PRIM2: variants seen among roughly 807,000 people sequenced by gnomAD.
PRIM2 encodes DNA primase subunit 2.
Under a neutral mutation model 67.3 loss-of-function variants are expected in PRIM2, and 39 were observed. The observed-to-expected ratio is 0.58, with a 90% confidence interval of 0.45 to 0.76. PRIM2 has a LOEUF of 0.76. Ranked by LOEUF, PRIM2 falls within the 30% of genes least tolerant of loss-of-function variation. The pLI, the probability that PRIM2 is intolerant of heterozygous loss-of-function variation, is 0.00. For synonymous variants in PRIM2, 143 were observed against 198.7 expected (o/e 0.72, Z 2.36); for missense variants, 398 against 598.7 (o/e 0.66, Z 3.50).
chr6:57,531,651 A>G (rs1362279408), intron 8 of PRIM2, among the ~76,000 whole-genome samples: 9 of 152,184 alleles, frequency 5.9e-5, no homozygotes, highest in Non-Finnish European at 1.0e-4. Flanking sequence ...AAAATTTATT[A>G]TAGGGAAGAG....
chr6:57,444,205 G>C (rs915863141), intron 7 of PRIM2, among the ~76,000 whole-genome samples: 2 of 151,878 alleles, frequency 1.3e-5, no homozygotes, highest in African/African-American at 4.8e-5. Flanking sequence ...ACATAATCCT[G>C]TGTAGTCTTA....
intron 7 of PRIM2, among the ~76,000 whole-genome samples, chr6:57,504,311 T>C (rs1774207846): frequency 6.6e-6 from 1 of 152,208 alleles, no homozygotes; most frequent in African/African-American, 2.4e-5. Context: ...TGGCATTTAA[T>C]GGAGGATTAT....
At chr6:57,607,063 C>A (rs1329042681) in intron 12 of PRIM2, among the ~76,000 whole-genome samples, 1 of 152,132 alleles carries the variant, frequency 6.6e-6, no homozygotes, top group Non-Finnish European at 1.5e-5. Context: ...AGACTATTTT[C>A]TATAGTGTGC....
chr6:57,287,002 GA>G, the PRIM2 span, among the ~76,000 whole-genome samples: 1 of 152,120 alleles, frequency 6.6e-6, no homozygotes, highest in Non-Finnish European at 1.5e-5. Flanking sequence ...CAAACATATG[GA>G]AAAAAGCTCA....
chr6:57,353,847 C>A (rs1184213838), intron 5 of PRIM2, among the ~76,000 whole-genome samples: 1 of 152,138 alleles, frequency 6.6e-6, no homozygotes, highest in African/African-American at 2.4e-5. Flanking sequence ...TATTACCTGA[C>A]TTTTGTTTAT....
At chr6:57,586,005 A>C (rs1776181080) in intron 10 of PRIM2, among the ~76,000 whole-genome samples, 1 of 152,174 alleles carries the variant, frequency 6.6e-6, no homozygotes, top group African/African-American at 2.4e-5. Context: ...CTGAGTAACC[A>C]AGATCACCTA....
chr6:57,563,344 T>C (rs1775675246), intron 10 of PRIM2, among the ~76,000 whole-genome samples: 1 of 151,260 alleles, frequency 6.6e-6, no homozygotes, highest in Non-Finnish European at 1.5e-5. Context: ...TGCTTCTGGC[T>C]GATCATTAGG....
chr6:57,440,181 T>C (rs1772157040), intron 7 of PRIM2, among the ~76,000 whole-genome samples: 2 of 151,468 alleles, frequency 1.3e-5, no homozygotes, highest in Admixed American at 1.3e-4. Context: ...TATTTTATTT[T>C]TAGGAGGACC....
Position 57,318,573 on chromosome 6 carries a change from A to G in PRIM2, c.128A>G (p.Glu43Gly). 1 of 1,574,794 alleles carries G rather than the reference A, an allele frequency of 6.4e-7. No individual in the cohort carries two copies. Among genetic ancestry groups the G allele is most frequent in the Non-Finnish European group, 8.6e-7 (1 of 1,158,530 alleles). ...GAAAACATATCTTTAATAGAATTTG[A>G]AAACTTGGCTATTGATAGAGTTAAA... Reference protein sequence around the residue: ...PSENISLIEFENLAIDRVKLL... With the variant: ...PSENISLIEFGNLAIDRVKLL... The change falls in exon 2 of 14, where the codon GAA (glutamate) becomes GGA (glycine). Residue 43 changes from glutamate to glycine, a missense_variant. By Grantham distance (98) the Glu-to-Gly change is moderately conservative. Transcript: ENST00000615550.
At chr6:57,455,709 C>G (rs1772747557) in intron 7 of PRIM2, among the ~76,000 whole-genome samples, 1 of 152,172 alleles carries the variant, frequency 6.6e-6, no homozygotes, top group African/African-American at 2.4e-5. Flanking sequence ...TTCCTGAATA[C>G]AGCCCATTGA....
intron 12 of PRIM2, among the ~76,000 whole-genome samples, chr6:57,626,252 T>C (rs1776947886): frequency 2.0e-5 from 3 of 152,228 alleles, no homozygotes; most frequent in African/African-American, 7.2e-5. Flanking sequence ...AATTTGCAGC[T>C]GGCTGGAAAT....
At chr6:57,626,720 A>T (rs1166483073) in intron 12 of PRIM2, among the ~76,000 whole-genome samples, 1 of 150,600 alleles carries the variant, frequency 6.6e-6, no homozygotes, top group East Asian at 2.0e-4. Context: ...GACCTCCCCG[A>T]CTCAAGCGAA....
the PRIM2 span, among the ~76,000 whole-genome samples, chr6:57,231,539 T>G: frequency 6.6e-6 from 1 of 152,192 alleles, no homozygotes; most frequent in Admixed American, 6.5e-5. Context: ...ATCCAGATAC[T>G]GAAATGAAAG....
chr6:57,644,794 C>T (rs1777306582), intron 13 of PRIM2, among the ~76,000 whole-genome samples: 1 of 152,176 alleles, frequency 6.6e-6, no homozygotes, highest in South Asian at 2.1e-4. Flanking sequence ...CCAACAGTCA[C>T]TCACTCAAGC....
At chr6:57,356,419 C>T (rs1769034000) in intron 5 of PRIM2, among the ~76,000 whole-genome samples, 1 of 152,088 alleles carries the variant, frequency 6.6e-6, no homozygotes, top group South Asian at 2.1e-4. Context: ...ATGAGATTTG[C>T]AAATGATAAT....
At chr6:57,277,933 G>A in the PRIM2 span, among the ~76,000 whole-genome samples, 7 of 151,818 alleles carry the variant, frequency 4.6e-5, no homozygotes, top group African/African-American at 7.3e-5. Flanking sequence ...GCAGTGAGCC[G>A]AGATCGTGCC....
At chr6:57,561,962 A>C (rs1775641405) in intron 10 of PRIM2, among the ~76,000 whole-genome samples, 1 of 152,124 alleles carries the variant, frequency 6.6e-6, no homozygotes. Flanking sequence ...AGTCCTTATT[A>C]ATTGGCCTGA....
intron 5 of PRIM2, among the ~76,000 whole-genome samples, chr6:57,365,618 G>A (rs966760112): frequency 1.3e-5 from 2 of 152,004 alleles, no homozygotes; most frequent in Admixed American, 6.6e-5. Context: ...ACTTTCCATA[G>A]TTTGTGTATT....
the PRIM2 span, among the ~76,000 whole-genome samples, chr6:57,278,648 A>T: frequency 9.2e-5 from 14 of 152,288 alleles, no homozygotes; most frequent in East Asian, 2.7e-3. Flanking sequence ...ATAATACACA[A>T]TCAGGACACA....
Sources: allele counts gnomAD v4.1 joint callset (sites outside exome capture counted in the v4.1 genomes callset), GRCh38; gene constraint gnomAD v4.1.1; transcripts MANE v1.5; gene names NCBI Gene and HGNC (gene_info 2026-07-23, HGNC 2026-07-21).